The following RBMS1 variants were observed in gnomAD, a reference collection of about 807,000 sequenced individuals.
RBMS1 encodes the protein RNA binding motif single stranded interacting protein 1.
In RBMS1, 17 loss-of-function variants were observed where a neutral mutation model predicts 62.3. That is an observed-to-expected ratio of 0.27 (90% CI 0.19 to 0.41). The LOEUF is 0.41. Among genes scored for constraint, RBMS1 ranks in the 10% least tolerant of loss-of-function variants. The pLI is 1.00. For missense variants in RBMS1, 334 were observed against 504.5 expected (o/e 0.66, Z 3.24); for synonymous variants, 172 against 170.0 (o/e 1.01, Z -0.09).
At chr2:160,329,082 T>C (rs906535312) in intron 2 of RBMS1, among the ~76,000 whole-genome samples, 2 of 152,210 alleles carry the variant, frequency 1.3e-5, no homozygotes, top group African/African-American at 4.8e-5. Flanking sequence ...ACACTAACGC[T>C]GGCTTTGATC....
chr2:160,281,642 C>T (rs963569607), intron 9 of RBMS1: 1 of 304,946 alleles, frequency 3.3e-6, no homozygotes, highest in East Asian at 6.3e-5. Context: ...GACTGGGCCC[C>T]ACCCTCAAGA....
chr2:160,391,787 G>A (rs1694877024), intron 1 of RBMS1, among the ~76,000 whole-genome samples: 1 of 152,072 alleles, frequency 6.6e-6, no homozygotes, highest in South Asian at 2.1e-4. Flanking sequence ...AGAGCAGCCT[G>A]GCCAACATGG....
chr2:160,470,226 A>G (rs1256748679), intron 1 of RBMS1, among the ~76,000 whole-genome samples: 2 of 152,206 alleles, frequency 1.3e-5, no homozygotes, highest in Non-Finnish European at 2.9e-5. Flanking sequence ...GAAAACAACA[A>G]CATTATTTAC....
intron 6 of RBMS1, 107 bp downstream of exon 6, chr2:160,300,544 A>C: frequency 7.3e-7 from 1 of 1,362,474 alleles, no homozygotes; most frequent in Non-Finnish European, 9.6e-7. Context: ...AATGCATCTT[A>C]AAGAGTGAAA....
intron 2 of RBMS1, among the ~76,000 whole-genome samples, chr2:160,348,991 T>C (rs1692336069): frequency 6.6e-6 from 1 of 152,138 alleles, no homozygotes; most frequent in Non-Finnish European, 1.5e-5. Flanking sequence ...TCCAGGACCT[T>C]AGAAAGATGA....
intron 1 of RBMS1, among the ~76,000 whole-genome samples, chr2:160,391,519 G>C (rs1488298434): frequency 6.6e-6 from 1 of 151,970 alleles, no homozygotes; most frequent in African/African-American, 2.4e-5. Context: ...TAGTCTGCTT[G>C]GGCCAGGTTG....
intron 2 of RBMS1, among the ~76,000 whole-genome samples, chr2:160,355,306 G>A (rs1372009405): frequency 1.3e-5 from 2 of 151,982 alleles, no homozygotes; most frequent in African/African-American, 4.8e-5. Context: ...TCAACAGCCT[G>A]GAATTCATGC....
chr2:160,458,769 C>T (rs2105329408), intron 1 of RBMS1, among the ~76,000 whole-genome samples: 1 of 149,428 alleles, frequency 6.7e-6, no homozygotes, highest in South Asian at 2.1e-4. Flanking sequence ...TGCACTCCAG[C>T]TTGGGTAACA....
rs553956720 is a variant in RBMS1 at position 160,366,182 on chromosome 2, C to G, written c.251+1034G>C. On this transcript the variant is annotated intron_variant, in intron 2 of 13. Transcript: ENST00000348849. Reference sequence around the variant, plus strand: ...AGCACAACAACCATCACTCCTTCCCCCACCCATGGAAGGCCAGATGTTACT... The same window carrying G: ...AGCACAACAACCATCACTCCTTCCCGCACCCATGGAAGGCCAGATGTTACT... Among the ~76,000 whole-genome samples the G allele has an allele frequency of 3.9e-5, 6 of 152,306 alleles. No individual in the cohort carries two copies. In the South Asian group the frequency reaches 1.2e-3, roughly 32 times the overall value.
At chr2:160,484,081 C>A (rs1179200308) in intron 1 of RBMS1, among the ~76,000 whole-genome samples, 2 of 150,724 alleles carry the variant, frequency 1.3e-5, no homozygotes, top group Admixed American at 6.6e-5. Flanking sequence ...TCAAGCAATC[C>A]TCCCCCATCG....
At chr2:160,305,530 T>C (rs950505874) in intron 4 of RBMS1, among the ~76,000 whole-genome samples, 1 of 152,184 alleles carries the variant, frequency 6.6e-6, no homozygotes, top group Admixed American at 6.5e-5. Context: ...GTACACTCTA[T>C]GATGTGCACA....
intron 1 of RBMS1, among the ~76,000 whole-genome samples, chr2:160,437,897 G>C (rs138362120): frequency 6.6e-6 from 1 of 152,296 alleles, no homozygotes; most frequent in East Asian, 1.9e-4. Flanking sequence ...TGATACACAA[G>C]TGAAATTCTC....
At chr2:160,492,954 C>T (rs369175355) in intron 1 of RBMS1, 57 of 262,054 alleles carry the variant, frequency 2.2e-4, no homozygotes, top group East Asian at 8.7e-4. Context: ...GCACACCAGG[C>T]GACGGCCGCC....
chr2:160,486,543 T>G (rs1685608610), intron 1 of RBMS1, among the ~76,000 whole-genome samples: 2 of 152,180 alleles, frequency 1.3e-5, no homozygotes, highest in South Asian at 4.1e-4. Context: ...GCAGCCCAAC[T>G]GCATAGCGCA....
At position 160,297,890 on chromosome 2, in the gene RBMS1, C is replaced by A. The variant is rs551863189; in HGVS notation, c.640+2761G>T. 7.2e-5 allele frequency among the ~76,000 whole-genome samples: 11 copies of A among 152,300 alleles called. No homozygotes were observed. The South Asian group carries it at 2.3e-3, about 32-fold the overall frequency. On this transcript the variant is annotated intron_variant, in intron 6 of 13. Transcript: ENST00000348849. ...CAGAAGTAGGCAAGGGCTCCTGTCA[C>A]CTTTGGCTTTCCATGCCATTCCAGG...
At chr2:160,444,553 A>C (rs1343958313) in intron 1 of RBMS1, among the ~76,000 whole-genome samples, 2 of 152,220 alleles carry the variant, frequency 1.3e-5, no homozygotes, top group East Asian at 1.9e-4. Flanking sequence ...AGAAACAAAA[A>C]GGGCAACTTG....
intron 1 of RBMS1, among the ~76,000 whole-genome samples, chr2:160,436,161 T>A (rs566808957): frequency 2.6e-5 from 4 of 152,178 alleles, no homozygotes; most frequent in Non-Finnish European, 5.9e-5. Context: ...CCAGAAAAAG[T>A]AGAATCTACC....
chr2:160,359,437 T>G (rs1693000439), intron 2 of RBMS1, among the ~76,000 whole-genome samples: 1 of 152,208 alleles, frequency 6.6e-6, no homozygotes, highest in African/African-American at 2.4e-5. Flanking sequence ...CATTTGACCT[T>G]GGGTCCCCTA....
intron 4 of RBMS1, among the ~76,000 whole-genome samples, chr2:160,308,172 T>C (rs1421371584): frequency 6.6e-6 from 1 of 152,096 alleles, no homozygotes; most frequent in African/African-American, 2.4e-5. Context: ...GGCAGGTGGA[T>C]TGCTTGAGCT....
Sources: gnomAD v4.1 joint callset for allele counts (sites outside exome capture counted in the v4.1 genomes callset) on GRCh38, gnomAD v4.1.1 for gene constraint, MANE v1.5 for transcripts, NCBI Gene and HGNC (gene_info 2026-07-23, HGNC 2026-07-21) for gene names.